POLR1C: variants seen among roughly 807,000 people sequenced by gnomAD.
POLR1C encodes DNA-directed RNA polymerases I and III subunit RPAC1.
Under a neutral mutation model 38.3 loss-of-function variants are expected in POLR1C, and 42 were observed. The observed-to-expected ratio is 1.10, with a 90% CI of 0.86 to 1.42. The LOEUF (loss-of-function observed/expected upper bound fraction) is 1.42. POLR1C is among the 40% of genes most tolerant of loss of function. The pLI, the probability that POLR1C is intolerant of heterozygous loss-of-function variation, is 0.00. For synonymous variants in POLR1C, 163 were observed against 163.9 expected (o/e 0.99, Z 0.04); for missense variants, 507 against 450.5 (o/e 1.13, Z -1.14).
At chr6:43,523,940 T>A, downstream of POLR1C, 1 of 1,614,034 alleles carries the variant, frequency 6.2e-7, no homozygotes, top group Non-Finnish European at 8.5e-7. Flanking sequence ...TTGGCTTTGT[T>A]TTTTTGAAAA....
At chr6:43,552,296 G>A (rs1795266121) in intron 10 of POLR1C, among the ~76,000 whole-genome samples, 1 of 152,070 alleles carries the variant, frequency 6.6e-6, no homozygotes, top group Non-Finnish European at 1.5e-5. Flanking sequence ...GACCTCAGGT[G>A]ATCCACCCAC....
intron 8 of POLR1C, chr6:43,528,797 C>G: frequency 9.4e-6 from 15 of 1,602,294 alleles, no homozygotes; most frequent in Non-Finnish European, 1.3e-5. Context: ...TAATAGTACT[C>G]TTTGCTTCCT....
At chr6:43,561,081 A>C in intron 10 of POLR1C, 1 of 1,235,992 alleles carries the variant, frequency 8.1e-7, no homozygotes, top group East Asian at 2.3e-5. Flanking sequence ...GAAGTAATAA[A>C]AACAGATAAA....
downstream of POLR1C, chr6:43,522,619 T>G (rs892274085): frequency 4.8e-5 from 19 of 396,296 alleles, no homozygotes; most frequent in Non-Finnish European, 9.5e-5. Context: ...AACTTCTGCT[T>G]CCCCAGCTTT....
intron 9 of POLR1C, among the ~76,000 whole-genome samples, chr6:43,538,556 T>C: frequency 6.6e-6 from 1 of 152,198 alleles, no homozygotes; most frequent in Non-Finnish European, 1.5e-5. Context: ...ATACTGGATA[T>C]TGAATTACTG....
chr6:43,548,603 T>C (rs1172759184), intron 9 of POLR1C: 6 of 685,826 alleles, frequency 8.7e-6, no homozygotes, highest in Non-Finnish European at 1.3e-5. Flanking sequence ...AATTCTGTTA[T>C]ATGTCTTTAT....
downstream of POLR1C, among the ~76,000 whole-genome samples, chr6:43,522,066 A>G (rs1446842920): frequency 6.6e-6 from 1 of 152,238 alleles, no homozygotes; most frequent in Non-Finnish European, 1.5e-5. Context: ...TCATGTTGCT[A>G]TTGACAGCTC....
Position 43,517,132 on chromosome 6 carries a change from A to G in POLR1C, c.23A>G (p.Glu8Gly), listed in dbSNP as rs569005988. 209 of 1,613,936 alleles carry G rather than the reference A, an allele frequency of 1.3e-4. 1 individual carries two copies. The Admixed American group carries it at 3.4e-3, about 26-fold the overall frequency. The stretch of plus-strand genomic sequence containing the variant: ...AAGATGGCGGCTTCTCAGGCGGTGG[A>G]GGAAATGCGGAGCCGCGTGGTTCTG... The part of the protein sequence containing the change: MAASQAV[E>G]EMRSRVVLGE... The change falls in exon 1 of 9, where the codon GAG (glutamate) becomes GGG (glycine). Residue 8 changes from glutamate (E) to glycine (G), a missense_variant. By Grantham distance (98) the Glu-to-Gly change is moderately conservative. Coordinates refer to ENST00000642195, the MANE Select transcript of POLR1C (RefSeq NM_203290.4).
At chr6:43,562,372 A>G in exon 11 of POLR1C, 1 of 1,526,964 alleles carries the variant, frequency 6.5e-7, no homozygotes, top group Middle Eastern at 1.7e-4. Flanking sequence ...TCCTTATATC[A>G]CCAACAAAAT....
At chr6:43,559,272 C>T (rs773526142) in intron 10 of POLR1C, among the ~76,000 whole-genome samples, 8 of 151,978 alleles carry the variant, frequency 5.3e-5, no homozygotes, top group Non-Finnish European at 1.0e-4. Flanking sequence ...ACTCCAGCCT[C>T]GGTGACAGGG....
chr6:43,556,626 A>T (rs1484026068), intron 10 of POLR1C, among the ~76,000 whole-genome samples: 1 of 152,226 alleles, frequency 6.6e-6, no homozygotes, highest in African/African-American at 2.4e-5. Flanking sequence ...TGAAAATATT[A>T]AACTTGCAAT....
intron 10 of POLR1C, among the ~76,000 whole-genome samples, chr6:43,552,704 C>A (rs1226121308): frequency 6.6e-6 from 1 of 152,156 alleles, no homozygotes; most frequent in East Asian, 1.9e-4. Context: ...TATCTTTTGT[C>A]TATTTCTCTA....
At position 43,517,102 on chromosome 6, in the gene POLR1C, G is replaced by A. The variant is rs142683244; in HGVS notation, c.-8G>A. 251 of 1,614,144 alleles carry A rather than the reference G, an allele frequency of 1.6e-4. No homozygotes were observed. The African/African-American group carries it at 2.0e-3, about 13-fold the overall frequency. On this transcript the variant is annotated 5_prime_UTR_variant, in exon 1 of 9. Coordinates refer to ENST00000642195, the MANE Select transcript of POLR1C (RefSeq NM_203290.4). Reference sequence around the variant, plus strand: ...GATAGAACCTCTAGTCTCGTGGAGAGATTGAAGATGGCGGCTTCTCAGGCG... The same window carrying A: ...GATAGAACCTCTAGTCTCGTGGAGAAATTGAAGATGGCGGCTTCTCAGGCG...
downstream of POLR1C, chr6:43,522,883 A>G (rs779590543): frequency 1.3e-4 from 26 of 205,062 alleles, no homozygotes; most frequent in Non-Finnish European, 2.5e-4. Flanking sequence ...GAATGGACTC[A>G]CAGTACAGGT....
At chr6:43,562,236 C>T in exon 11 of POLR1C, 7 of 1,596,966 alleles carry the variant, frequency 4.4e-6, no homozygotes, top group Non-Finnish European at 6.0e-6. Flanking sequence ...AGAAAGCAAA[C>T]ACTAGCTCAC....
At chr6:43,543,848 T>C (rs1388726367) in intron 9 of POLR1C, among the ~76,000 whole-genome samples, 1 of 152,036 alleles carries the variant, frequency 6.6e-6, no homozygotes, top group Non-Finnish European at 1.5e-5. Flanking sequence ...GGCTAATTTT[T>C]GTATTTTTAG....
At chr6:43,531,625 C>T (rs767916735), downstream of POLR1C, 2 of 1,496,848 alleles carry the variant, frequency 1.3e-6, no homozygotes, top group African/African-American at 2.8e-5. Flanking sequence ...TCAGGAGTCT[C>T]AATTGGCCAA....
At chr6:43,539,659 ACCAGGGCCT>A (rs1794577603) in intron 9 of POLR1C, 2 of 1,177,832 alleles carry the variant, frequency 1.7e-6, no homozygotes, top group Non-Finnish European at 2.4e-6. Flanking sequence ...TCCCAGGGCC[ACCAGGGCCT>A]CCAGGCCCCC....
chr6:43,542,891 A>G (rs1259319165), intron 9 of POLR1C, among the ~76,000 whole-genome samples: 3 of 152,204 alleles, frequency 2.0e-5, no homozygotes, highest in African/African-American at 4.8e-5. Flanking sequence ...AATTATATAT[A>G]TATGTTCACA....
Sources: gnomAD v4.1 joint callset for allele counts (sites outside exome capture counted in the v4.1 genomes callset) on GRCh38, gnomAD v4.1.1 for gene constraint, MANE v1.5 for transcripts, NCBI Gene and HGNC (gene_info 2026-07-23, HGNC 2026-07-21) for gene names.